Variants in MAP4K3 observed in about 807,000 individuals in gnomAD.
The protein encoded by MAP4K3 is MAPK/ERK kinase kinase kinase 3.
A neutral mutation model predicts 143.5 loss-of-function variants in MAP4K3; 94 were observed. The ratio of observed to expected loss-of-function variants is 0.65; its 90% confidence interval spans 0.55 to 0.78. MAP4K3 has a LOEUF of 0.78. Ranked by LOEUF, MAP4K3 falls within the 30% of genes least tolerant of loss-of-function variation. The pLI is 0.00. For synonymous variants in MAP4K3, 416 were observed against 347.2 expected (o/e 1.20, Z -2.20); for missense variants, 1,077 against 1,068.1 (o/e 1.01, Z -0.12).
intron 27 of MAP4K3, among the ~76,000 whole-genome samples, chr2:39,265,864 C>G (rs1447160417): frequency 1.3e-5 from 2 of 151,926 alleles, no homozygotes; most frequent in African/African-American, 2.4e-5. Context: ...ATTGAATTAC[C>G]TCAGATTTTG....
chr2:39,277,820 C>T (rs1681337029), intron 24 of MAP4K3, among the ~76,000 whole-genome samples: 1 of 150,774 alleles, frequency 6.6e-6, no homozygotes, highest in Non-Finnish European at 1.5e-5. Context: ...CCTGCCTTGG[C>T]CTCACAAAGT....
At chr2:39,322,745 C>T (rs1683353615) in intron 12 of MAP4K3, among the ~76,000 whole-genome samples, 1 of 151,344 alleles carries the variant, frequency 6.6e-6, no homozygotes, top group Admixed American at 6.6e-5. Context: ...TCTTGGCTCA[C>T]TATAACCTCT....
intron 1 of MAP4K3, among the ~76,000 whole-genome samples, chr2:39,417,898 G>A (rs774778277): frequency 1.2e-4 from 19 of 152,156 alleles, no homozygotes; most frequent in African/African-American, 4.3e-4. Context: ...GTGCCAGAAA[G>A]TAAGCATTAA....
chr2:39,365,064 C>A (rs1004174114), intron 2 of MAP4K3, among the ~76,000 whole-genome samples: 1 of 152,096 alleles, frequency 6.6e-6, no homozygotes, highest in Non-Finnish European at 1.5e-5. Flanking sequence ...CCACAAGAGA[C>A]GGCTTTGCAG....
chr2:39,307,082 T>G (rs1682738214), intron 15 of MAP4K3, among the ~76,000 whole-genome samples: 1 of 152,142 alleles, frequency 6.6e-6, no homozygotes, highest in African/African-American at 2.4e-5. Flanking sequence ...ATTAAAAAAT[T>G]TATATAAAGA....
At chr2:39,382,936 A>G (rs765433222) in intron 1 of MAP4K3, among the ~76,000 whole-genome samples, 6 of 152,208 alleles carry the variant, frequency 3.9e-5, no homozygotes, top group Non-Finnish European at 8.8e-5. Flanking sequence ...AAAACATACA[A>G]AAGGGATGGG....
At chr2:39,309,882 T>C (rs1682884659) in intron 13 of MAP4K3, among the ~76,000 whole-genome samples, 1 of 152,104 alleles carries the variant, frequency 6.6e-6, no homozygotes, top group Non-Finnish European at 1.5e-5. Flanking sequence ...TTTATATTCT[T>C]AATGATATAA....
chr2:39,401,844 T>G (rs1398596060), intron 1 of MAP4K3, among the ~76,000 whole-genome samples: 1 of 152,044 alleles, frequency 6.6e-6, no homozygotes, highest in Non-Finnish European at 1.5e-5. Context: ...TGAAGTAATT[T>G]CACTGCACCA....
At chr2:39,351,834 A>C (rs894410979) in intron 3 of MAP4K3, among the ~76,000 whole-genome samples, 3 of 151,930 alleles carry the variant, frequency 2.0e-5, no homozygotes, top group Admixed American at 1.3e-4. Context: ...ATGCCCAGCT[A>C]ATTTTTTGTA....
At chr2:39,308,091 G>T (rs764042493) in intron 14 of MAP4K3, 86 bp from the exon 15 acceptor site, 13 of 890,822 alleles carry the variant, frequency 1.5e-5, no homozygotes, top group Non-Finnish European at 2.3e-5. Context: ...CACAAATGAA[G>T]TAAGTCCTGC....
At chr2:39,373,918 C>CA in intron 2 of MAP4K3, among the ~76,000 whole-genome samples, 1 of 152,040 alleles carries the variant, frequency 6.6e-6, no homozygotes, top group East Asian at 1.9e-4. Flanking sequence ...ACAACAACAA[C>CA]AAAAAATCCA....
rs570853243 is a variant in MAP4K3 at position 39,337,752 on chromosome 2, GTTTT to G, written c.311-175_311-172del. ...TACTGTCCTACTGTGCCTGGCTCCA[GTTTT>G]TTTTTTTTTTTTTTTTTTTTTTTTG... On this transcript the variant is annotated intron_variant, in intron 4 of 33. Coordinates refer to ENST00000263881, the MANE Select transcript of MAP4K3 (RefSeq NM_003618.4). Among the ~76,000 whole-genome samples the G allele has an allele frequency of 2.0e-4, 14 of 70,516 alleles. No individual in the cohort carries two copies. The East Asian group carries it at 5.7e-3, about 29-fold the overall frequency. The allele number at this position is 70,516 out of a possible 152,430, so 46.3% of individuals were successfully genotyped here.
At chr2:39,300,908 C>G (rs1046170860) in intron 15 of MAP4K3, among the ~76,000 whole-genome samples, 2 of 152,190 alleles carry the variant, frequency 1.3e-5, no homozygotes, top group African/African-American at 4.8e-5. Context: ...TCCTTACAGC[C>G]TACGGTCTAG....
In MAP4K3 at chr2:39,272,323, C is replaced by CAA; in HGVS notation, c.1931_1932dup (p.Ala645LeufsTer35). 6.2e-7 allele frequency: 1 copy of CAA among 1,613,750 alleles called. No individual in the cohort carries two copies. The highest frequency in any genetic ancestry group is 8.5e-7 in the Non-Finnish European group (1 of 1,179,834). On this transcript the variant is annotated frameshift_variant, in exon 26 of 34. Transcript: ENST00000263881. LOFTEE classifies it high-confidence loss of function. Reference sequence around the variant, plus strand: ...TCAGGGAGTTTGTGTGCTGGAATAGCAACAGGTAACTTTTGCATTTGTCTT... The same window carrying CAA: ...TCAGGGAGTTTGTGTGCTGGAATAGCAAAACAGGTAACTTTTGCATTTGTCTT...
intron 24 of MAP4K3, among the ~76,000 whole-genome samples, chr2:39,273,528 A>G (rs115198759): frequency 0.013 from 918 of 72,444 alleles, 16 homozygotes; most frequent in African/African-American, 0.024. Flanking sequence ...AATGGAATAG[A>G]GAGGACCCAG....
At position 39,289,872 on chromosome 2, in the gene MAP4K3, G is replaced by T. The variant is rs549819101; in HGVS notation, c.1314+420C>A. 1.4e-3 allele frequency among the ~76,000 whole-genome samples: 208 copies of T among 152,266 alleles called. 2 individuals are homozygous for T. The highest frequency in any genetic ancestry group is 4.7e-3 in the African/African-American group (195 of 41,550). Reference sequence around the variant, plus strand: ...GGCCAAGGCAGGCAGATCACCTGAGGTCAGGAGTTTGAGCCAAGCCTGGCC... The same window carrying T: ...GGCCAAGGCAGGCAGATCACCTGAGTTCAGGAGTTTGAGCCAAGCCTGGCC... On this transcript the variant is annotated intron_variant, in intron 19 of 33. Transcript: ENST00000263881.
chr2:39,415,980 A>AAAAAATATATATATATATAT (rs1553318573), intron 1 of MAP4K3, among the ~76,000 whole-genome samples: 4 of 14,754 alleles, frequency 2.7e-4, no homozygotes, highest in Non-Finnish European at 4.4e-4. Flanking sequence ...AAAAAAAAAA[A>AAAAAATATATATATATATAT]ATATATATAT....
At chr2:39,421,454 A>G (rs1558348269) in intron 1 of MAP4K3, among the ~76,000 whole-genome samples, 1 of 135,590 alleles carries the variant, frequency 7.4e-6, no homozygotes, top group Non-Finnish European at 1.5e-5. Flanking sequence ...CAAGCGATCC[A>G]CCCACATGGG....
chr2:39,425,701 T>TAC (rs1665050992), intron 1 of MAP4K3, among the ~76,000 whole-genome samples: 1 of 17,878 alleles, frequency 5.6e-5, no homozygotes, highest in African/African-American at 5.8e-5. Flanking sequence ...TGGTCTGTGG[T>TAC]ATGTTGTTAC....
Sources: gnomAD v4.1 joint callset for allele counts (sites outside exome capture counted in the v4.1 genomes callset) on GRCh38, gnomAD v4.1.1 for gene constraint, MANE v1.5 for transcripts, NCBI Gene and HGNC (gene_info 2026-07-23, HGNC 2026-07-21) for gene names.